Variants in ASTN2 observed in about 807,000 individuals in gnomAD.
ASTN2 encodes the protein astrotactin 2, also known as astrotactin-2.
Under a neutral mutation model 139.8 loss-of-function variants are expected in ASTN2, and 54 were observed. The ratio of observed to expected loss-of-function variants is 0.39; its 90% CI spans 0.31 to 0.48. The LOEUF (loss-of-function observed/expected upper bound fraction) is 0.48. Among genes scored for constraint, ASTN2 ranks in the 20% least tolerant of loss-of-function variants. The pLI is 0.95. For missense variants in ASTN2, 1,565 were observed against 1,725.1 expected (o/e 0.91, Z 1.64); for synonymous variants, 756 against 719.5 (o/e 1.05, Z -0.81).
chr9:116,667,358 T>TA (rs903235790), intron 16 of ASTN2, among the ~76,000 whole-genome samples: 5 of 152,072 alleles, frequency 3.3e-5, no homozygotes, highest in East Asian at 1.9e-4. Context: ...GAGCTTATGT[T>TA]AAAAAAAACT....
chr9:116,891,079 G>T (rs1833751479), intron 10 of ASTN2, among the ~76,000 whole-genome samples: 1 of 152,188 alleles, frequency 6.6e-6, no homozygotes. Flanking sequence ...TGGTGCTGAT[G>T]TATCTAATGT....
At chr9:116,549,299 G>A (rs1852237558) in intron 19 of ASTN2, among the ~76,000 whole-genome samples, 1 of 151,626 alleles carries the variant, frequency 6.6e-6, no homozygotes, top group Non-Finnish European at 1.5e-5. Context: ...AGGAATGGGA[G>A]GTCAGGGAAG....
intron 22 of ASTN2, among the ~76,000 whole-genome samples, chr9:116,429,360 A>AAAAAAAAAAAG (rs57088669): frequency 1.4e-4 from 21 of 148,834 alleles, no homozygotes; most frequent in African/African-American, 5.1e-4. Flanking sequence ...AAAAAAAAAA[A>AAAAAAAAAAAG]GTAACCAAGT....
intron 10 of ASTN2, among the ~76,000 whole-genome samples, chr9:116,880,050 T>A (rs921861889): frequency 1.3e-5 from 2 of 152,272 alleles, no homozygotes; most frequent in Middle Eastern, 3.4e-3. Flanking sequence ...TAGTAGCAGA[T>A]ATAATAATAA....
chr9:117,040,891 C>T (rs1423146819), intron 5 of ASTN2, among the ~76,000 whole-genome samples: 1 of 152,140 alleles, frequency 6.6e-6, no homozygotes, highest in Non-Finnish European at 1.5e-5. Context: ...ATGAATTTCA[C>T]AAGCGTTTAC....
At chr9:116,534,679 G>C (rs559989330) in intron 19 of ASTN2, among the ~76,000 whole-genome samples, 152 of 152,312 alleles carry the variant, frequency 1.0e-3, no homozygotes, top group African/African-American at 3.3e-3. Flanking sequence ...TTTTGAGTGA[G>C]TTTCTTAATC....
chr9:117,146,826 T>C (rs943849865), intron 3 of ASTN2, among the ~76,000 whole-genome samples: 7 of 152,172 alleles, frequency 4.6e-5, no homozygotes, highest in East Asian at 1.9e-4. Context: ...TAAGTTCTAG[T>C]GTTCTATAGT....
chr9:117,006,630 T>C (rs1012782519), intron 7 of ASTN2, among the ~76,000 whole-genome samples: 8 of 152,228 alleles, frequency 5.3e-5, no homozygotes, highest in African/African-American at 1.9e-4. Flanking sequence ...CAAATGCAGG[T>C]CATAGCATGT....
At chr9:116,708,416 T>C (rs953860382) in intron 16 of ASTN2, among the ~76,000 whole-genome samples, 3 of 152,192 alleles carry the variant, frequency 2.0e-5, no homozygotes, top group Non-Finnish European at 2.9e-5. Context: ...GCCTTCACCA[T>C]CAAAGGGATG....
intron 16 of ASTN2, among the ~76,000 whole-genome samples, chr9:116,712,951 G>A (rs933232587): frequency 1.3e-5 from 2 of 152,070 alleles, no homozygotes; most frequent in African/African-American, 4.8e-5. Context: ...CATGTCATGT[G>A]GACTTGGGAG....
At chr9:116,624,942 C>T (rs1856366889) in intron 17 of ASTN2, among the ~76,000 whole-genome samples, 2 of 152,072 alleles carry the variant, frequency 1.3e-5, no homozygotes, top group Non-Finnish European at 2.9e-5. Context: ...TAACATAAGG[C>T]AGTCAATGTT....
At position 117,121,446 on chromosome 9, in the gene ASTN2, G is replaced by GT. The variant is rs1344378261; in HGVS notation, c.1168+19879_1168+19880insA. Among the ~76,000 whole-genome samples the GT allele has an allele frequency of 4.0e-4, 61 of 152,324 alleles. 4 individuals carry two copies. The highest frequency in any genetic ancestry group is 1.4e-3 in the African/African-American group (57 of 41,580). Reference sequence around the variant, plus strand: ...CTGCATCTCACAGCTCACACCTCCAGGAAGGAAGCAGAATGCTTGGTAGGC... The same window carrying GT: ...CTGCATCTCACAGCTCACACCTCCAGTGAAGGAAGCAGAATGCTTGGTAGGC... On this transcript the variant is annotated intron_variant, in intron 4 of 22. Coordinates refer to ENST00000313400, the MANE Select transcript of ASTN2 (RefSeq NM_001365068.1).
At chr9:117,005,195 C>T (rs1837319518) in intron 7 of ASTN2, among the ~76,000 whole-genome samples, 1 of 23,706 alleles carries the variant, frequency 4.2e-5, no homozygotes, top group African/African-American at 4.9e-5. Flanking sequence ...AAACAATTCC[C>T]TTGCCTCAAC....
intron 6 of ASTN2, among the ~76,000 whole-genome samples, chr9:117,037,023 C>G (rs1588500420): frequency 1.3e-5 from 2 of 152,226 alleles, no homozygotes; most frequent in African/African-American, 2.4e-5. Flanking sequence ...CAGAAGGATT[C>G]TATAGAACAA....
intron 22 of ASTN2, among the ~76,000 whole-genome samples, chr9:116,437,066 G>T (rs1588056318): frequency 6.6e-6 from 1 of 150,468 alleles, no homozygotes; most frequent in East Asian, 2.0e-4. Context: ...TTGTGGGGTG[G>T]GGGTGGGGGA....
rs114304347 is a variant in ASTN2 at position 116,567,857 on chromosome 9, G to A, written c.3355+50467C>T. Among the ~76,000 whole-genome samples, 858 of 152,194 alleles carry A rather than the reference G, an allele frequency of 5.6e-3. 7 individuals are homozygous for A. Among genetic ancestry groups the A allele is most frequent in the African/African-American group, 0.02 (823 of 41,500 alleles). On this transcript the variant is annotated intron_variant, in intron 19 of 22. Transcript: ENST00000313400. The stretch of plus-strand genomic sequence containing the variant: ...TCATTTTACACCCCTCTCCCAAAAT[G>A]TCAAGGTAAGAGTTATTATCTCTGC...
intron 10 of ASTN2, among the ~76,000 whole-genome samples, chr9:116,893,193 A>T (rs1186185165): frequency 1.4e-5 from 2 of 140,704 alleles, no homozygotes; most frequent in African/African-American, 2.6e-5. Context: ...ACACACACAC[A>T]CTTTAGAATC....
intron 10 of ASTN2, among the ~76,000 whole-genome samples, chr9:116,903,188 C>T (rs2132407658): frequency 6.6e-6 from 1 of 152,258 alleles, no homozygotes; most frequent in East Asian, 1.9e-4. Context: ...GGCTCTCACC[C>T]CACCATCATC....
chr9:116,900,337 T>A (rs974794021), intron 10 of ASTN2, among the ~76,000 whole-genome samples: 1 of 152,118 alleles, frequency 6.6e-6, no homozygotes, highest in Non-Finnish European at 1.5e-5. Context: ...GACATCAAGA[T>A]TCAGAGAGTG....
Sources: allele counts gnomAD v4.1 joint callset (sites outside exome capture counted in the v4.1 genomes callset), GRCh38; gene constraint gnomAD v4.1.1; transcripts MANE v1.5; gene names NCBI Gene and HGNC (gene_info 2026-07-23, HGNC 2026-07-21).